The following HIVEP2 variants were observed in gnomAD, a reference collection of about 807,000 sequenced individuals.
HIVEP2 encodes transcription factor HIVEP2.
Under a neutral mutation model 180.7 loss-of-function variants are expected in HIVEP2, and 14 were observed. That is an observed-to-expected ratio of 0.08 (90% CI 0.05 to 0.12). HIVEP2 has a LOEUF of 0.12. Ranked by LOEUF, HIVEP2 falls within the 10% of genes least tolerant of loss-of-function variation. HIVEP2 has a pLI of 1.00. For missense variants in HIVEP2, 2,579 were observed against 3,008.5 expected (o/e 0.86, Z 3.34); for synonymous variants, 1,184 against 1,136.4 (o/e 1.04, Z -0.84).
At chr6:142,830,920 T>C (rs1775061278) in intron 2 of HIVEP2, among the ~76,000 whole-genome samples, 1 of 152,184 alleles carries the variant, frequency 6.6e-6, no homozygotes, top group South Asian at 2.1e-4. Flanking sequence ...CTGCATACTT[T>C]CCTTCATACA....
At chr6:142,866,416 C>T (rs1776139265) in intron 1 of HIVEP2, among the ~76,000 whole-genome samples, 2 of 152,254 alleles carry the variant, frequency 1.3e-5, no homozygotes, top group East Asian at 1.9e-4. Flanking sequence ...AATTTTTCTT[C>T]CTTTTCTACA....
intron 2 of HIVEP2, among the ~76,000 whole-genome samples, chr6:142,798,403 T>C (rs762913795): frequency 2.3e-4 from 35 of 152,200 alleles, no homozygotes; most frequent in Non-Finnish European, 4.4e-4. Context: ...TTTCCATTTT[T>C]GCTTTAGATA....
At chr6:142,845,257 T>C (rs571969228) in intron 1 of HIVEP2, among the ~76,000 whole-genome samples, 56 of 152,344 alleles carry the variant, frequency 3.7e-4, no homozygotes, top group African/African-American at 1.2e-3. Context: ...TGGGAAATAT[T>C]AGTAATCCTA....
intron 1 of HIVEP2, among the ~76,000 whole-genome samples, chr6:142,929,296 C>T (rs1412823876): frequency 6.6e-6 from 1 of 151,964 alleles, no homozygotes; most frequent in East Asian, 1.9e-4. Flanking sequence ...TTGGAAAGGA[C>T]AAAGAGGGAA....
At chr6:142,838,630 G>A (rs1775283455) in intron 1 of HIVEP2, among the ~76,000 whole-genome samples, 2 of 152,072 alleles carry the variant, frequency 1.3e-5, no homozygotes, top group South Asian at 4.1e-4. Context: ...GGATGGTTTC[G>A]TGCAGAAGCT....
At position 142,904,341 on chromosome 6, in the gene HIVEP2, A is replaced by G. The variant is rs548414470; in HGVS notation, c.-641+40758T>C. On this transcript the variant is annotated intron_variant, in intron 1 of 9. Coordinates refer to ENST00000367603, the MANE Select transcript of HIVEP2 (RefSeq NM_006734.4). ...AAAATTAGTAATTAACATTTTGAAAACAATGCTAGAGTAAAAAGGTTACAG... is the reference window on the plus strand; with the variant it reads ...AAAATTAGTAATTAACATTTTGAAAGCAATGCTAGAGTAAAAAGGTTACAG... 5.1e-4 allele frequency among the ~76,000 whole-genome samples: 78 copies of G among 152,320 alleles called. 1 individual carries two copies. Among genetic ancestry groups the G allele is most frequent in the African/African-American group, 1.8e-3 (76 of 41,572 alleles).
At chr6:142,934,853 A>G (rs1778016307) in intron 1 of HIVEP2, among the ~76,000 whole-genome samples, 1 of 152,304 alleles carries the variant, frequency 6.6e-6, no homozygotes, top group South Asian at 2.1e-4. Flanking sequence ...ACATGGGGCA[A>G]GGGTGTGTAG....
chr6:142,771,057 C>T lies in HIVEP2; in HGVS notation c.3682G>A (p.Ala1228Thr). Residue 1228 changes from alanine to threonine, a missense_variant, in exon 5 of 10, where the codon GCA becomes ACA. Physicochemically the swap from Ala to Thr is moderately conservative, Grantham distance 58. Around this residue, in one of 11 missense-constraint regions of HIVEP2, gnomAD observed 523 missense variants for 577.0 expected, o/e 0.91. Transcript: ENST00000367603. The surrounding 1 kb of genome is among the most constrained non-coding windows in gnomAD (Gnocchi z 5.4). ...LPAQQPPWWQ[A>T]HFPHPFAQHP... is the part of the protein sequence containing the mutation. Reference sequence around the variant, plus strand: ...TGAGCAAAGGGATGTGGGAAATGTGCCTGCCACCAGGGAGGCTGCTGAGCT... The same window carrying T: ...TGAGCAAAGGGATGTGGGAAATGTGTCTGCCACCAGGGAGGCTGCTGAGCT... 6.2e-7 allele frequency: 1 copy of T among 1,614,152 alleles called. No homozygotes were observed.
intron 1 of HIVEP2, among the ~76,000 whole-genome samples, chr6:142,852,839 G>A (rs12196693): frequency 0.18 from 26,952 of 152,170 alleles, 2,579 homozygotes; most frequent in South Asian, 0.22. Context: ...AAAACCCTCT[G>A]AGTATTAGAG....
chr6:142,815,184 T>A (rs1281860801), intron 2 of HIVEP2, among the ~76,000 whole-genome samples: 1 of 152,168 alleles, frequency 6.6e-6, no homozygotes, highest in Non-Finnish European at 1.5e-5. Flanking sequence ...GTCTCAACAC[T>A]GTTGCACTGG....
At chr6:142,840,511 A>G (rs1775336937) in intron 1 of HIVEP2, among the ~76,000 whole-genome samples, 1 of 152,136 alleles carries the variant, frequency 6.6e-6, no homozygotes, top group African/African-American at 2.4e-5. Flanking sequence ...ATTTGTCCCC[A>G]TGTAAGCATA....
At chr6:142,800,547 C>A (rs1366879102) in intron 2 of HIVEP2, among the ~76,000 whole-genome samples, 1 of 152,036 alleles carries the variant, frequency 6.6e-6, no homozygotes, top group Non-Finnish European at 1.5e-5. Flanking sequence ...ACATTTTCTG[C>A]TTAGAGTGAT....
chr6:142,898,525 G>A (rs1009778131), intron 1 of HIVEP2, among the ~76,000 whole-genome samples: 73 of 152,090 alleles, frequency 4.8e-4, no homozygotes, highest in African/African-American at 1.7e-3. Flanking sequence ...AGCCAGGTGT[G>A]GTGGTGCACG....
intron 2 of HIVEP2, among the ~76,000 whole-genome samples, chr6:142,823,064 C>T (rs1562251621): frequency 6.6e-6 from 1 of 152,172 alleles, no homozygotes; most frequent in African/African-American, 2.4e-5. Context: ...GACAGCCAGT[C>T]ACAACACCAT....
At chr6:142,830,316 A>G (rs927624562) in intron 2 of HIVEP2, among the ~76,000 whole-genome samples, 1 of 152,200 alleles carries the variant, frequency 6.6e-6, no homozygotes, top group Non-Finnish European at 1.5e-5. Flanking sequence ...CAGCCTGCCA[A>G]AAAATGTTTC....
chr6:142,945,085 C>G lies in HIVEP2; in HGVS notation c.-641+14G>C, dbSNP rs1778288477. On this transcript the variant is annotated intron_variant, in intron 1 of 9. Transcript: ENST00000367603. This position sits in a 1 kb window ranked among gnomAD's most constrained non-coding sequence, Gnocchi z 5.5. ...GCCGCCTGCGCCGCGCGCCGCGGCC[C>G]CCTCCCCCGCTACCTGACAACGGGC... The G allele has an allele frequency of 6.8e-6, 1 of 147,050 alleles. No homozygotes were observed. Among genetic ancestry groups the G allele is most frequent in the African/African-American group, 2.4e-5 (1 of 41,036 alleles). 9.1% of individuals were successfully genotyped at this position (147,050 alleles called of 1,614,324 possible). A position where few individuals can be genotyped will look rare whatever the true frequency, so the allele number is the denominator to read the frequency against.
intron 1 of HIVEP2, among the ~76,000 whole-genome samples, chr6:142,882,890 A>T (rs554184045): frequency 7.2e-5 from 11 of 152,244 alleles, no homozygotes; most frequent in Admixed American, 3.3e-4. Flanking sequence ...TAGGAAGCTT[A>T]GTGAAAGGAC....
intron 1 of HIVEP2, among the ~76,000 whole-genome samples, chr6:142,926,562 T>C (rs894258446): frequency 7.2e-5 from 11 of 152,252 alleles, no homozygotes; most frequent in African/African-American, 2.4e-4. Context: ...TCAGGCCTCC[T>C]GAGGTCAGCG....
At chr6:142,894,805 C>A (rs1279049673) in intron 1 of HIVEP2, among the ~76,000 whole-genome samples, 1 of 152,098 alleles carries the variant, frequency 6.6e-6, no homozygotes, top group East Asian at 1.9e-4. Context: ...GTCATTTGAA[C>A]GCAGGGTCTC....
Sources: gnomAD v4.1 joint callset for allele counts (sites outside exome capture counted in the v4.1 genomes callset) on GRCh38, gnomAD v4.1.1 for gene constraint, gnomAD v4.1.1 regional missense constraint, Gnocchi (gnomAD v3.1) non-coding constraint, MANE v1.5 for transcripts, NCBI Gene and HGNC (gene_info 2026-07-23, HGNC 2026-07-21) for gene names.